FUT8: variants seen among roughly 807,000 people sequenced by gnomAD.
FUT8 encodes the protein alpha-(1,6)-fucosyltransferase.
A neutral mutation model predicts 71.3 loss-of-function variants in FUT8; 29 were observed. The ratio of observed to expected loss-of-function variants is 0.41; its 90% CI spans 0.30 to 0.55. FUT8 has a LOEUF of 0.55. Among genes scored for constraint, FUT8 ranks in the 20% least tolerant of loss-of-function variants. The pLI, the probability that FUT8 is intolerant of heterozygous loss-of-function variation, is 0.34. For missense variants in FUT8, 544 were observed against 702.1 expected (o/e 0.77, Z 2.55); for synonymous variants, 254 against 239.3 (o/e 1.06, Z -0.57).
At chr14:65,443,641 G>A (rs1395156662) in intron 1 of FUT8, among the ~76,000 whole-genome samples, 10 of 151,104 alleles carry the variant, frequency 6.6e-5, no homozygotes, top group African/African-American at 2.4e-4. Context: ...GACTGCTTGA[G>A]CCCAGGAGGT....
the FUT8 span, among the ~76,000 whole-genome samples, chr14:65,399,293 G>A: frequency 6.6e-6 from 1 of 152,178 alleles, no homozygotes; most frequent in Non-Finnish European, 1.5e-5. Context: ...CTCCAGCTAG[G>A]GCGATAGAGC....
intron 2 of FUT8, among the ~76,000 whole-genome samples, chr14:65,536,745 T>C (rs1000530400): frequency 1.3e-5 from 2 of 152,190 alleles, no homozygotes; most frequent in Non-Finnish European, 2.9e-5. Context: ...CATAATCTTC[T>C]TGTAAAGTAT....
intron 3 of FUT8, among the ~76,000 whole-genome samples, chr14:65,583,484 G>T (rs925244918): frequency 3.9e-5 from 6 of 152,008 alleles, no homozygotes; most frequent in African/African-American, 1.4e-4. Context: ...AATATTTTTT[G>T]TAGGTCAGGC....
intron 7 of FUT8, among the ~76,000 whole-genome samples, chr14:65,711,261 T>C (rs1317604462): frequency 6.6e-6 from 1 of 152,248 alleles, no homozygotes; most frequent in Non-Finnish European, 1.5e-5. Context: ...TTTTTATTTC[T>C]TTCTTAAAGC....
At chr14:65,562,513 C>G (rs1023698812) in intron 3 of FUT8, among the ~76,000 whole-genome samples, 5 of 152,056 alleles carry the variant, frequency 3.3e-5, no homozygotes, top group African/African-American at 4.8e-5. Context: ...TTTCAGGGAG[C>G]AAGTAAACAT....
rs1208059533 is a variant in FUT8 at position 65,603,102 on chromosome 14, T to C, written c.204-12876T>C. Among the ~76,000 whole-genome samples the C allele has an allele frequency of 6.6e-6, 1 of 152,004 alleles. No individual in the cohort carries two copies. The highest frequency in any genetic ancestry group is 2.4e-5 in the African/African-American group (1 of 41,422). ...TTTCCGATGTTATTTTCTAGATTTT[T>C]TTATAGTTTCAGGTCTTAGATTTAA... On this transcript the variant is annotated intron_variant, in intron 3 of 10. Coordinates refer to ENST00000673929, the MANE Select transcript of FUT8 (RefSeq NM_001371533.1). The surrounding 1 kb of genome is among the most constrained non-coding windows in gnomAD (Gnocchi z 4.5).
At position 65,605,457 on chromosome 14, in the gene FUT8, C is replaced by T. The variant is rs569600962; in HGVS notation, c.204-10521C>T. ...TTAAAACCAGGTCATTAAGGTGGACCCTAATCCAATGTGATGGTGTCCTTA... is the reference window on the plus strand; with the variant it reads ...TTAAAACCAGGTCATTAAGGTGGACTCTAATCCAATGTGATGGTGTCCTTA... On this transcript the variant is annotated intron_variant, in intron 3 of 10. Transcript: ENST00000673929. 9.2e-5 allele frequency among the ~76,000 whole-genome samples: 14 copies of T among 151,754 alleles called. No homozygotes were observed. The South Asian group carries it at 2.7e-3, about 30-fold the overall frequency.
intron 1 of FUT8, among the ~76,000 whole-genome samples, chr14:65,444,601 C>T (rs999895699): frequency 1.3e-5 from 2 of 151,968 alleles, no homozygotes; most frequent in African/African-American, 4.8e-5. Context: ...GGATGATGTA[C>T]CAATTATAAA....
chr14:65,702,780 C>T (rs1894371172), intron 7 of FUT8, among the ~76,000 whole-genome samples: 1 of 151,568 alleles, frequency 6.6e-6, no homozygotes, highest in African/African-American at 2.4e-5. Context: ...TGGTGTGTCG[C>T]CAGGCTGGAG....
chr14:65,505,382 G>A (rs1439540812), intron 2 of FUT8, among the ~76,000 whole-genome samples: 1 of 138,604 alleles, frequency 7.2e-6, no homozygotes, highest in African/African-American at 2.8e-5. Context: ...GTGCAATCTC[G>A]GCTCACTGCA....
chr14:65,699,987 T>C (rs1203204422), intron 7 of FUT8, among the ~76,000 whole-genome samples: 1 of 152,192 alleles, frequency 6.6e-6, no homozygotes, highest in Non-Finnish European at 1.5e-5. Context: ...CTTTTCTGGT[T>C]TTTGTGGTAT....
chr14:65,481,073 G>T (rs1362139884), intron 2 of FUT8, among the ~76,000 whole-genome samples: 1 of 152,044 alleles, frequency 6.6e-6, no homozygotes, highest in Non-Finnish European at 1.5e-5. Flanking sequence ...CATCAGCACT[G>T]CACAGGGTTC....
intron 3 of FUT8, among the ~76,000 whole-genome samples, chr14:65,597,582 C>T (rs57330939): frequency 0.011 from 1,629 of 151,464 alleles, 31 homozygotes; most frequent in African/African-American, 0.038. Context: ...GAGATCGCAC[C>T]ACTGCACTCC....
intron 2 of FUT8, among the ~76,000 whole-genome samples, chr14:65,524,834 T>C (rs1383873047): frequency 2.1e-4 from 32 of 152,182 alleles, no homozygotes; most frequent in Admixed American, 2.1e-3. Flanking sequence ...GAGATAATCA[T>C]GTGGTTTTTG....
chr14:65,432,407 T>TTA (rs1491167535), intron 1 of FUT8, among the ~76,000 whole-genome samples: 5 of 141,822 alleles, frequency 3.5e-5, no homozygotes, highest in African/African-American at 1.0e-4. Flanking sequence ...TTTTTTTTTT[T>TTA]AAATTATTGG....
the FUT8 span, among the ~76,000 whole-genome samples, chr14:65,375,171 G>A: frequency 2.2e-3 from 328 of 152,202 alleles, no homozygotes; most frequent in Non-Finnish European, 4.2e-3. Context: ...TTTAAGATGA[G>A]CCCAGGAAAT....
Position 65,713,832 on chromosome 14 carries a change from C to A in FUT8, c.836-7943C>A, listed in dbSNP as rs114086398. 6.8e-3 allele frequency among the ~76,000 whole-genome samples: 1,032 copies of A among 152,174 alleles called. 15 individuals carry two copies. Among genetic ancestry groups the A allele is most frequent in the African/African-American group, 0.023 (964 of 41,520 alleles). ...TATTTTCTCCCATTCTGCAGGTTGT[C>A]TCTTCATTTTGTTTATTGTTTTCTT... On this transcript the variant is annotated intron_variant, in intron 7 of 10. Coordinates refer to ENST00000673929, the MANE Select transcript of FUT8 (RefSeq NM_001371533.1).
At chr14:65,563,993 A>G (rs1233647462) in intron 3 of FUT8, among the ~76,000 whole-genome samples, 1 of 152,034 alleles carries the variant, frequency 6.6e-6, no homozygotes, top group Non-Finnish European at 1.5e-5. Context: ...TATATAAGGG[A>G]ATATAATTTC....
At chr14:65,457,845 C>CG (rs1376159483) in intron 2 of FUT8, 1 of 152,204 alleles carries the variant, frequency 6.6e-6, no homozygotes, top group Non-Finnish European at 1.5e-5. Flanking sequence ...GGCCTGGTGC[C>CG]GGGCTGCCTG....
Sources: gnomAD v4.1 joint callset for allele counts (sites outside exome capture counted in the v4.1 genomes callset) on GRCh38, gnomAD v4.1.1 for gene constraint, Gnocchi (gnomAD v3.1) non-coding constraint, MANE v1.5 for transcripts, NCBI Gene and HGNC (gene_info 2026-07-23, HGNC 2026-07-21) for gene names.